HKDC1: variants seen among roughly 807,000 people sequenced by gnomAD.
HKDC1 encodes hexokinase HKDC1.
A neutral mutation model predicts 96.6 loss-of-function variants in HKDC1; 66 were observed. The ratio of observed to expected loss-of-function variants is 0.68; its 90% CI spans 0.56 to 0.84. The LOEUF (loss-of-function observed/expected upper bound fraction) is 0.84, where lower values mean the gene tolerates loss of function less well. HKDC1 is among the 40% of genes least tolerant of loss of function. HKDC1 has a pLI of 0.00. For missense variants in HKDC1, 1,211 were observed against 1,208.1 expected (o/e 1.00, Z -0.04); for synonymous variants, 466 against 473.1 (o/e 0.98, Z 0.20).
chr10:69,250,234 A>G lies in HKDC1; in HGVS notation c.1571-56A>G, dbSNP rs988822286. ...TGCTCCGACGTCTCCTCTTCCTCCC[A>G]ATGCCCCGACACAAGTCCCTGTCAT... On this transcript the variant is annotated intron_variant, in intron 10 of 17. Transcript: ENST00000354624. 2.5e-6 allele frequency: 4 copies of G among 1,572,848 alleles called. No individual in the cohort carries two copies. In the African/African-American group the frequency reaches 5.4e-5, roughly 21 times the overall value.
intron 12 of HKDC1, among the ~76,000 whole-genome samples, chr10:69,256,647 G>A (rs1481636318): frequency 6.6e-6 from 1 of 152,056 alleles, no homozygotes; most frequent in Non-Finnish European, 1.5e-5. Context: ...AGTGGAGGTT[G>A]TAGTGAGCCG....
Position 69,250,405 on chromosome 10 carries a change from C to A in HKDC1, c.1686C>A (p.Pro562=). 1 of 1,613,956 alleles carries A rather than the reference C, an allele frequency of 6.2e-7. No individual in the cohort carries two copies. The highest frequency in any genetic ancestry group is 8.5e-7 in the Non-Finnish European group (1 of 1,179,862). ...VRMYNKIFAI[P]LEIMQGTGEE... ...TGTACAACAAGATCTTCGCCATCCC[C>A]CTGGAGATCATGCAGGGCACTGGTG... is the stretch of plus-strand genomic sequence containing the variant. Residue 562 remains proline (P), a synonymous_variant, in exon 11 of 18, where the codon CCC becomes CCA. Coordinates refer to ENST00000354624, the MANE Select transcript of HKDC1 (RefSeq NM_025130.4).
At chr10:69,238,049 G>A (rs1451639003) in intron 4 of HKDC1, among the ~76,000 whole-genome samples, 1 of 152,182 alleles carries the variant, frequency 6.6e-6, no homozygotes, top group Non-Finnish European at 1.5e-5. Context: ...TTTCAGACAC[G>A]AAACTCAGGA....
chr10:69,229,725 C>T (rs779227015), intron 2 of HKDC1, among the ~76,000 whole-genome samples: 8 of 152,148 alleles, frequency 5.3e-5, no homozygotes, highest in Admixed American at 6.5e-5. Flanking sequence ...CCTCCTTAGC[C>T]GGGAAGACGC....
At chr10:69,245,877 A>G (rs555491363) in intron 7 of HKDC1, among the ~76,000 whole-genome samples, 4 of 152,150 alleles carry the variant, frequency 2.6e-5, no homozygotes, top group Non-Finnish European at 5.9e-5. Context: ...GAGAGTCCCT[A>G]TGCTCGATGT....
At chr10:69,264,963 C>G (rs972749770) in intron 16 of HKDC1, among the ~76,000 whole-genome samples, 1 of 151,732 alleles carries the variant, frequency 6.6e-6, no homozygotes, top group East Asian at 1.9e-4. Flanking sequence ...CTATCAGGTT[C>G]CCCTTCTCTA....
intron 3 of HKDC1, 49 bp from the exon 4 acceptor site, chr10:69,232,965 T>C (rs2132340125): frequency 6.2e-7 from 1 of 1,612,504 alleles, no homozygotes; most frequent in Admixed American, 1.7e-5. Flanking sequence ...CATCCGTGTG[T>C]GGGGAAACCA....
intron 13 of HKDC1, 90 bp from the exon 14 acceptor site, chr10:69,257,237 T>C (rs1256295683): frequency 2.8e-6 from 4 of 1,436,066 alleles, no homozygotes; most frequent in Admixed American, 3.4e-5. Context: ...CTGTCTGCCT[T>C]GGGATAACAT....
At chr10:69,235,512 T>A (rs994652135) in intron 4 of HKDC1, among the ~76,000 whole-genome samples, 1 of 152,106 alleles carries the variant, frequency 6.6e-6, no homozygotes, top group African/African-American at 2.4e-5. Context: ...CAAGTGGAGC[T>A]GGCTGGCAGA....
chr10:69,233,264 A>T, intron 4 of HKDC1, 131 bp downstream of exon 4: 1 of 1,299,540 alleles, frequency 7.7e-7, no homozygotes, highest in Non-Finnish European at 1.1e-6. Context: ...CTTTTTGTTC[A>T]TGATGAGGTG....
chr10:69,260,562 G>C (rs1025467931), intron 15 of HKDC1, among the ~76,000 whole-genome samples: 1 of 152,132 alleles, frequency 6.6e-6, no homozygotes, highest in Admixed American at 6.5e-5. Flanking sequence ...GAGCAGTTAA[G>C]AGAACCCAAG....
At chr10:69,250,828 T>G (rs1843630544) in intron 12 of HKDC1, among the ~76,000 whole-genome samples, 176 bp downstream of exon 12, 1 of 152,298 alleles carries the variant, frequency 6.6e-6, no homozygotes, top group African/African-American at 2.4e-5. Flanking sequence ...TTATCACGAT[T>G]TTTTAGACTG....
chr10:69,252,491 A>G (rs1843658143), intron 12 of HKDC1, among the ~76,000 whole-genome samples: 1 of 151,958 alleles, frequency 6.6e-6, no homozygotes, highest in South Asian at 2.1e-4. Flanking sequence ...TAAAAATACA[A>G]AAAAATTAGC....
chr10:69,241,472 G>T (rs1162225270), intron 6 of HKDC1, among the ~76,000 whole-genome samples: 1 of 152,084 alleles, frequency 6.6e-6, no homozygotes, highest in Non-Finnish European at 1.5e-5. Context: ...ATGGATAAAT[G>T]GATGCGCATT....
chr10:69,231,461 TG>T (rs1843259217), intron 2 of HKDC1, among the ~76,000 whole-genome samples: 1 of 152,140 alleles, frequency 6.6e-6, no homozygotes, highest in Non-Finnish European at 1.5e-5. Context: ...CTCATTCCTT[TG>T]CCCGTGGTTC....
Position 69,261,242 on chromosome 10 carries a change from C to A in HKDC1, c.2320C>A (p.Arg774Ser), listed in dbSNP as rs537386563. The A allele has an allele frequency of 1.2e-6, 2 of 1,614,108 alleles. No individual in the cohort carries two copies. Among genetic ancestry groups the A allele is most frequent in the South Asian group, 2.2e-5 (2 of 91,072 alleles). The change falls in exon 16 of 18, where the codon CGT (arginine) becomes AGT (serine). Residue 774 changes from arginine to serine, a missense_variant. By Grantham distance (110) the Arg-to-Ser change is moderately radical. Coordinates refer to ENST00000354624, the MANE Select transcript of HKDC1 (RefSeq NM_025130.4). Reference sequence around the variant, plus strand: ...CCTCTTCCGAGGGCAGATTTCAGAGCGTCTCCGGACCAGGGGCATCTTCGA... The same window carrying A: ...CCTCTTCCGAGGGCAGATTTCAGAGAGTCTCCGGACCAGGGGCATCTTCGA... The part of the protein sequence containing the change: ...GLLFRGQISE[R>S]LRTRGIFETK...
intron 16 of HKDC1, among the ~76,000 whole-genome samples, chr10:69,264,425 G>A (rs115649858): frequency 6.6e-6 from 1 of 150,998 alleles, no homozygotes; most frequent in African/African-American, 2.4e-5. Context: ...CCAGGCTGGA[G>A]TACAGTGGTA....
At chr10:69,250,203 C>A in intron 10 of HKDC1, 87 bp from the exon 11 acceptor site, 2 of 1,457,210 alleles carry the variant, frequency 1.4e-6, no homozygotes, top group South Asian at 2.5e-5. Context: ...GGCCCTGGGT[C>A]CGCTCTGCTC....
At chr10:69,226,148 CT>C (rs1013729145) in intron 1 of HKDC1, among the ~76,000 whole-genome samples, 1 of 152,136 alleles carries the variant, frequency 6.6e-6, no homozygotes, top group Non-Finnish European at 1.5e-5. Flanking sequence ...AGGGAGGAAG[CT>C]TTGCTGCCGT....
Sources: allele counts gnomAD v4.1 joint callset (sites outside exome capture counted in the v4.1 genomes callset), GRCh38; gene constraint gnomAD v4.1.1; transcripts MANE v1.5; gene names NCBI Gene and HGNC (gene_info 2026-07-23, HGNC 2026-07-21).